The following PCLO variants were observed in gnomAD, a reference collection of about 807,000 sequenced individuals.
PCLO encodes the protein protein piccolo.
Under a neutral mutation model 427.5 loss-of-function variants are expected in PCLO, and 82 were observed. The ratio of observed to expected loss-of-function variants is 0.19; its 90% CI spans 0.16 to 0.23. PCLO has a LOEUF of 0.23. Ranked by LOEUF, PCLO falls within the 10% of genes least tolerant of loss-of-function variation. PCLO has a pLI of 1.00. For missense variants in PCLO, 6,239 were observed against 6,115.9 expected, an observed-to-expected ratio of 1.02 and a Z score of -0.67; for synonymous variants, 2,357 against 2,155.4, an observed-to-expected ratio of 1.09 and a Z score of -2.59.
rs1170677348 is a variant in PCLO, at chr7:82,915,123, C to G, written c.12863G>C (p.Arg4288Thr). Residue 4288 changes from arginine to threonine, a missense_variant, in exon 7 of 25, where the codon AGG becomes ACG. This residue lies in a region of PCLO where 680 missense variants were observed against 677.3 expected (regional missense o/e 1.00). Coordinates refer to ENST00000333891, the MANE Select transcript of PCLO (RefSeq NM_033026.6). ...GGAAGGTCTGGAGGAAGGTCTGGAC[C>G]TGCTGCCACTACTGTATGGCTTATC... ...EADKPYSSGS[R>T]SRPSSRPSSV... is the part of the protein sequence containing the mutation. 6.3e-7 allele frequency: 1 copy of G among 1,589,474 alleles called. No homozygotes were observed. The highest frequency in any genetic ancestry group is 8.6e-7 in the Non-Finnish European group (1 of 1,167,184).
Position 82,952,331 on chromosome 7 carries a change from C to T in PCLO, c.8622G>A (p.Val2874=), listed in dbSNP as rs781517259. The change falls in exon 5 of 25, where the codon GTG becomes GTA. Residue 2874 remains valine, a synonymous_variant. Coordinates refer to ENST00000333891, the MANE Select transcript of PCLO (RefSeq NM_033026.6). ...ATCCATTTGTGACACCAACAGGAGGCACAGTGACAGGTTTTGTAATAGCCA... is the reference window on the plus strand; with the variant it reads ...ATCCATTTGTGACACCAACAGGAGGTACAGTGACAGGTTTTGTAATAGCCA... ...VTLAITKPVT[V]PPVGVTNGWT... is the part of the protein sequence containing the mutation. 1.9e-6 allele frequency: 3 copies of T among 1,613,844 alleles called. No individual in the cohort carries two copies. The highest frequency in any genetic ancestry group is 1.6e-4 in the Middle Eastern group (1 of 6,084).
chr7:82,812,147 C>G (rs1584000482), intron 20 of PCLO, among the ~76,000 whole-genome samples: 1 of 151,438 alleles, frequency 6.6e-6, no homozygotes, highest in East Asian at 1.9e-4. Flanking sequence ...AGTTTTCTCT[C>G]TCCATGCACA....
In PCLO at chr7:82,908,988, T is replaced by C; in HGVS notation, c.13326A>G (p.Thr4442=). ...ACTCCCTGGGTTTATCAAACCAATC[T>C]GTTTCCTCACGACGCAGATGATAGG... is the stretch of plus-strand genomic sequence containing the variant. The part of the protein sequence containing the change: ...SEAYHLRREE[T]DWFDKPRESR... The change falls in exon 8 of 25, where the codon ACA becomes ACG. Residue 4442 remains threonine, a synonymous_variant. Transcript: ENST00000333891. 1 of 1,612,832 alleles carries C rather than the reference T, an allele frequency of 6.2e-7. No homozygotes were observed. Among genetic ancestry groups the C allele is most frequent in the Non-Finnish European group, 8.5e-7 (1 of 1,179,190 alleles).
intron 3 of PCLO, among the ~76,000 whole-genome samples, chr7:83,016,535 A>G (rs1788211994): frequency 6.6e-6 from 1 of 152,078 alleles, no homozygotes; most frequent in African/African-American, 2.4e-5. Flanking sequence ...AAGGAAGGTT[A>G]TTGTTTAGAC....
At chr7:82,785,277 G>A (rs371831424) in intron 22 of PCLO, among the ~76,000 whole-genome samples, 7 of 152,042 alleles carry the variant, frequency 4.6e-5, no homozygotes, top group South Asian at 2.1e-4. Flanking sequence ...CATCACATGC[G>A]CAGTTCACAA....
At chr7:82,797,455 T>C (rs766247104) in intron 22 of PCLO, among the ~76,000 whole-genome samples, 4 of 152,162 alleles carry the variant, frequency 2.6e-5, no homozygotes, top group Non-Finnish European at 4.4e-5. Flanking sequence ...CACTCATCTG[T>C]ACAATTTGAA....
intron 10 of PCLO, chr7:82,848,918 C>T: frequency 2.4e-6 from 1 of 419,024 alleles, no homozygotes; most frequent in Non-Finnish European, 4.8e-6. Context: ...TCAACAATCC[C>T]AGGCTGTTGT....
In PCLO at chr7:82,777,880, C is replaced by T. The variant is rs375041390; in HGVS notation, c.15008-16387G>A. Reference sequence around the variant, plus strand: ...ATGGACAAAGATTTTATAATGAAGACGCCAAAAGCAATTGCAATAAAAGCA... The same window carrying T: ...ATGGACAAAGATTTTATAATGAAGATGCCAAAAGCAATTGCAATAAAAGCA... On this transcript the variant is annotated intron_variant, in intron 22 of 24. Transcript: ENST00000333891. Among the ~76,000 whole-genome samples the T allele has an allele frequency of 9.0e-4, 137 of 152,030 alleles. 1 individual carries two copies. Among genetic ancestry groups the T allele is most frequent in the African/African-American group, 3.2e-3 (132 of 41,446 alleles).
chr7:83,060,684 A>C (rs909110680), intron 3 of PCLO, among the ~76,000 whole-genome samples: 1 of 152,156 alleles, frequency 6.6e-6, no homozygotes, highest in African/African-American at 2.4e-5. Context: ...AGGTGTATAA[A>C]AGTCACTGGT....
chr7:82,830,573 T>C (rs905446751), intron 16 of PCLO, among the ~76,000 whole-genome samples: 1 of 151,964 alleles, frequency 6.6e-6, no homozygotes, highest in Non-Finnish European at 1.5e-5. Flanking sequence ...AACAAACACA[T>C]GGTAGTATGA....
At chr7:82,890,418 A>G (rs1487811356) in intron 9 of PCLO, among the ~76,000 whole-genome samples, 3 of 151,570 alleles carry the variant, frequency 2.0e-5, no homozygotes, top group African/African-American at 7.3e-5. Flanking sequence ...TTAAGCAAGG[A>G]CTGTACCACA....
At chr7:82,992,709 T>C (rs958783329) in intron 3 of PCLO, among the ~76,000 whole-genome samples, 1 of 151,920 alleles carries the variant, frequency 6.6e-6, no homozygotes, top group Non-Finnish European at 1.5e-5. Flanking sequence ...CGTCTACCTA[T>C]GTAACAAACC....
At chr7:83,006,423 T>C (rs1787947686) in intron 3 of PCLO, among the ~76,000 whole-genome samples, 1 of 151,608 alleles carries the variant, frequency 6.6e-6, no homozygotes, top group South Asian at 2.1e-4. Flanking sequence ...TTTATTTTTA[T>C]GGATTTGAGA....
chr7:82,870,363 G>GTGC (rs1381600498), intron 10 of PCLO, among the ~76,000 whole-genome samples: 1 of 151,950 alleles, frequency 6.6e-6, no homozygotes, highest in Non-Finnish European at 1.5e-5. Context: ...TTAAGAAATG[G>GTGC]TGCTGACAAA....
At chr7:82,900,535 T>C (rs981991532) in intron 9 of PCLO, among the ~76,000 whole-genome samples, 2 of 93,272 alleles carry the variant, frequency 2.1e-5, no homozygotes, top group African/African-American at 8.5e-5. Flanking sequence ...TTTTATCTCA[T>C]TGATTTAAAT....
chr7:82,932,407 C>A (rs558664927), intron 6 of PCLO, among the ~76,000 whole-genome samples: 1 of 152,078 alleles, frequency 6.6e-6, no homozygotes, highest in South Asian at 2.1e-4. Context: ...TAAACACAGG[C>A]AAAGTAGAAC....
At chr7:83,017,821 T>C (rs557014196) in intron 3 of PCLO, 9 of 152,112 alleles carry the variant, frequency 5.9e-5, no homozygotes, top group African/African-American at 2.2e-4. Context: ...ATATTAACTA[T>C]ACAATTTTGA....
intron 3 of PCLO, among the ~76,000 whole-genome samples, chr7:83,024,521 G>C (rs1277974964): frequency 2.0e-5 from 3 of 152,180 alleles, no homozygotes; most frequent in African/African-American, 7.2e-5. Context: ...CAGCAGCCAG[G>C]CTGGGGGAGG....
chr7:82,994,873 G>T (rs183114923), intron 3 of PCLO, among the ~76,000 whole-genome samples: 2 of 151,946 alleles, frequency 1.3e-5, no homozygotes, highest in African/African-American at 4.8e-5. Flanking sequence ...AGAATTTAAC[G>T]TTGGACTGAA....
Sources: allele counts gnomAD v4.1 joint callset (sites outside exome capture counted in the v4.1 genomes callset), GRCh38; gene constraint gnomAD v4.1.1; regional missense constraint gnomAD v4.1.1; transcripts MANE v1.5; gene names NCBI Gene and HGNC (gene_info 2026-07-23, HGNC 2026-07-21).